Variants in FOXP1 observed in about 807,000 individuals in gnomAD.
The protein encoded by FOXP1 is forkhead box protein P1.
A neutral mutation model predicts 98.2 loss-of-function variants in FOXP1; 15 were observed. The observed-to-expected ratio is 0.15, with a 90% confidence interval of 0.10 to 0.24. The LOEUF is 0.24. Ranked by LOEUF, FOXP1 falls within the 10% of genes least tolerant of loss-of-function variation. FOXP1 has a pLI of 1.00. For synonymous variants in FOXP1, 371 were observed against 314.5 expected (o/e 1.18, Z -1.90); for missense variants, 633 against 848.5 (o/e 0.75, Z 3.15).
At chr3:71,151,907 T>C (rs2060592940) in intron 6 of FOXP1, among the ~76,000 whole-genome samples, 1 of 152,144 alleles carries the variant, frequency 6.6e-6, no homozygotes. Flanking sequence ...TGGCCCCTAA[T>C]GACCATATGC....
intron 4 of FOXP1, among the ~76,000 whole-genome samples, chr3:71,315,827 A>C (rs915561505): frequency 6.6e-6 from 1 of 152,264 alleles, no homozygotes; most frequent in African/African-American, 2.4e-5. Flanking sequence ...AATGTCCCAC[A>C]GACTGTGCCA....
chr3:71,155,531 C>T (rs2108094946), intron 6 of FOXP1, among the ~76,000 whole-genome samples: 1 of 152,290 alleles, frequency 6.6e-6, no homozygotes, highest in East Asian at 1.9e-4. Flanking sequence ...TCAAGAGCCC[C>T]ATGGGACCAG....
At chr3:71,137,347 C>G (rs1039869723) in intron 6 of FOXP1, among the ~76,000 whole-genome samples, 1 of 152,100 alleles carries the variant, frequency 6.6e-6, no homozygotes, top group Non-Finnish European at 1.5e-5. Flanking sequence ...AACATCCTCG[C>G]CAGCCCAGCC....
At chr3:70,976,244 G>GAGACCAGCCT (rs1364077186) in intron 17 of FOXP1, among the ~76,000 whole-genome samples, 35 of 152,090 alleles carry the variant, frequency 2.3e-4, no homozygotes, top group African/African-American at 8.2e-4. Context: ...TGTAGAGACA[G>GAGACCAGCCT]GGTCTCGCTA....
chr3:71,318,430 G>A (rs2075206286), intron 4 of FOXP1, among the ~76,000 whole-genome samples: 1 of 152,076 alleles, frequency 6.6e-6, no homozygotes, highest in Non-Finnish European at 1.5e-5. Flanking sequence ...GACCTTGCAG[G>A]CCAAGTCCTA....
intron 11 of FOXP1, among the ~76,000 whole-genome samples, chr3:71,036,264 A>G (rs2047567644): frequency 6.6e-6 from 1 of 152,230 alleles, no homozygotes; most frequent in African/African-American, 2.4e-5. Context: ...ATAAATGATG[A>G]GAACGAGGCA....
In FOXP1 at chr3:70,984,793, C is replaced by G. The variant is rs575321313; in HGVS notation, c.1146+3201G>C. On this transcript the variant is annotated intron_variant, in intron 14 of 20. Coordinates refer to ENST00000649528, the MANE Select transcript of FOXP1 (RefSeq NM_001349338.3). ...CCGTGAGCTCCTGCCCCAGTTCACCCATAAGCTTTCTTCCTCAGATCCATG... is the reference window on the plus strand; with the variant it reads ...CCGTGAGCTCCTGCCCCAGTTCACCGATAAGCTTTCTTCCTCAGATCCATG... 2.0e-5 allele frequency among the ~76,000 whole-genome samples: 3 copies of G among 152,288 alleles called. No homozygotes were observed. The South Asian group carries it at 6.2e-4, about 32-fold the overall frequency.
chr3:71,075,125 C>T (rs1033159574), intron 7 of FOXP1, among the ~76,000 whole-genome samples: 9 of 152,216 alleles, frequency 5.9e-5, no homozygotes, highest in African/African-American at 2.2e-4. Flanking sequence ...GGAGAGAATT[C>T]AGCATGGTGA....
chr3:71,395,914 T>C (rs932626477), intron 3 of FOXP1, among the ~76,000 whole-genome samples: 5 of 152,130 alleles, frequency 3.3e-5, no homozygotes, highest in Non-Finnish European at 7.4e-5. Flanking sequence ...AAATATATTA[T>C]AAATGCTCTG....
chr3:71,356,191 C>T lies in FOXP1; in HGVS notation c.-73+2959G>A, dbSNP rs1243172251. Reference sequence around the variant, plus strand: ...CAGTTAGTGAATTCTGCTTGCGAGGCAGGACCATTGTCTGACTAAGTCAAA... The same window carrying T: ...CAGTTAGTGAATTCTGCTTGCGAGGTAGGACCATTGTCTGACTAAGTCAAA... On this transcript the variant is annotated intron_variant, in intron 4 of 20. Coordinates refer to ENST00000649528, the MANE Select transcript of FOXP1 (RefSeq NM_001349338.3). Among the ~76,000 whole-genome samples, 5 of 132,390 alleles carry T rather than the reference C, an allele frequency of 3.8e-5. No individual in the cohort carries two copies. The Admixed American group carries it at 4.4e-4, about 12-fold the overall frequency. 86.9% of individuals were successfully genotyped at this position (132,390 alleles called of 152,430 possible).
intron 3 of FOXP1, among the ~76,000 whole-genome samples, chr3:71,466,274 G>A (rs949462372): frequency 3.9e-5 from 6 of 152,154 alleles, no homozygotes; most frequent in Middle Eastern, 3.4e-3. Context: ...TTTGTCTTGG[G>A]GCTGGAAAAA....
chr3:71,431,328 G>A (rs1264082205), intron 3 of FOXP1, among the ~76,000 whole-genome samples: 1 of 152,182 alleles, frequency 6.6e-6, no homozygotes, highest in Non-Finnish European at 1.5e-5. Flanking sequence ...GGCAATGTGT[G>A]AGAAGATGCT....
chr3:70,979,248 C>T (rs376822480), intron 14 of FOXP1, among the ~76,000 whole-genome samples: 4 of 117,952 alleles, frequency 3.4e-5, no homozygotes, highest in African/African-American at 1.4e-4. Context: ...CCACTGCATT[C>T]CAGCCTGGGT....
intron 7 of FOXP1, among the ~76,000 whole-genome samples, chr3:71,075,041 T>C (rs1168396220): frequency 4.6e-5 from 7 of 152,214 alleles, no homozygotes; most frequent in African/African-American, 1.7e-4. Flanking sequence ...CTCCTGGTAA[T>C]ACACAGTGTC....
At chr3:71,319,993 A>T (rs1351204357) in intron 4 of FOXP1, among the ~76,000 whole-genome samples, 2 of 152,048 alleles carry the variant, frequency 1.3e-5, no homozygotes, top group Admixed American at 6.6e-5. Context: ...TTGCCGGCCC[A>T]CACAAGGGTG....
chr3:71,084,831 G>A (rs1176415891), intron 7 of FOXP1, among the ~76,000 whole-genome samples: 2 of 152,110 alleles, frequency 1.3e-5, no homozygotes, highest in Non-Finnish European at 2.9e-5. Flanking sequence ...CCAGGAGTTC[G>A]AGGCCAGCCT....
At chr3:71,134,998 C>T (rs1419038901) in intron 6 of FOXP1, among the ~76,000 whole-genome samples, 1 of 152,164 alleles carries the variant, frequency 6.6e-6, no homozygotes, top group Non-Finnish European at 1.5e-5. Context: ...GTGGCTCACG[C>T]CTGTAATCCC....
intron 6 of FOXP1, among the ~76,000 whole-genome samples, chr3:71,182,052 GAAAA>G (rs765407626): frequency 2.1e-5 from 2 of 95,962 alleles, no homozygotes; most frequent in Non-Finnish European, 4.2e-5. Flanking sequence ...AGAAAAAAAA[GAAAA>G]AAAAAGAAAA....
intron 4 of FOXP1, chr3:71,332,437 A>C (rs2076390908): frequency 1.1e-5 from 2 of 177,864 alleles, no homozygotes; most frequent in African/African-American, 4.8e-5. Flanking sequence ...CCGCGGCTTC[A>C]TTCTTGAAGT....
Sources: gnomAD v4.1 joint callset for allele counts (sites outside exome capture counted in the v4.1 genomes callset) on GRCh38, gnomAD v4.1.1 for gene constraint, MANE v1.5 for transcripts, NCBI Gene and HGNC (gene_info 2026-07-23, HGNC 2026-07-21) for gene names.